The following CENPP variants were observed in gnomAD, a reference collection of about 807,000 sequenced individuals.
CENPP encodes centromere protein P.
A neutral mutation model predicts 35.6 loss-of-function variants in CENPP; 24 were observed. The observed-to-expected ratio is 0.67, with a 90% CI of 0.49 to 0.95. CENPP has a LOEUF of 0.95. Ranked by LOEUF, CENPP falls within the 40% of genes least tolerant of loss-of-function variation. The pLI is 0.00. For synonymous variants in CENPP, 120 were observed against 125.5 expected (o/e 0.96, Z 0.29); for missense variants, 332 against 345.3 (o/e 0.96, Z 0.31).
At chr9:92,500,635 TAAC>T in intron 5 of CENPP, 1 of 1,329,790 alleles carries the variant, frequency 7.5e-7, no homozygotes, top group Middle Eastern at 2.4e-4. Flanking sequence ...TTTTTTCCCT[TAAC>T]GTAAATCCCA....
At chr9:92,508,848 AATAAC>A (rs953428239) in intron 5 of CENPP, among the ~76,000 whole-genome samples, 2 of 152,116 alleles carry the variant, frequency 1.3e-5, no homozygotes, top group African/African-American at 4.8e-5. Context: ...TTGTTTAATA[AATAAC>A]ATAATAAATA....
intron 5 of CENPP, among the ~76,000 whole-genome samples, chr9:92,462,330 C>A (rs1845145623): frequency 6.6e-6 from 1 of 152,132 alleles, no homozygotes. Context: ...ATCTGTAGTA[C>A]CCCCGCACAT....
chr9:92,329,799 T>C (rs1840686272), intron 1 of CENPP, among the ~76,000 whole-genome samples: 1 of 152,210 alleles, frequency 6.6e-6, no homozygotes, highest in Admixed American at 6.5e-5. Flanking sequence ...CTTGAACTCC[T>C]GGGCTGCCTC....
chr9:92,379,548 C>T (rs1247405481), intron 4 of CENPP, among the ~76,000 whole-genome samples: 3 of 152,072 alleles, frequency 2.0e-5, no homozygotes, highest in Admixed American at 6.6e-5. Flanking sequence ...TAGACTTAAA[C>T]GTTTGAAAAT....
chr9:92,495,624 G>A lies in CENPP; in HGVS notation c.565-115690G>A, dbSNP rs41278703. On this transcript the variant is annotated intron_variant, in intron 5 of 7. Coordinates refer to ENST00000375587, the MANE Select transcript of CENPP (RefSeq NM_001012267.3). ...TGTTTAACTTTAAAAAATAATTTTA[G>A]AATTATAGAAAAGTTTCAAAAAGAG... 5.3e-3 allele frequency: 5,062 copies of A among 949,602 alleles called. 14 individuals are homozygous for A. The highest frequency in any genetic ancestry group is 6.0e-3 in the Non-Finnish European group (4,751 of 797,410). 58.8% of individuals were successfully genotyped at this position (949,602 alleles called of 1,614,324 possible).
chr9:92,603,381 C>A (rs555524031), intron 5 of CENPP, among the ~76,000 whole-genome samples: 1 of 152,344 alleles, frequency 6.6e-6, no homozygotes, highest in South Asian at 2.1e-4. Context: ...GAGGGCAGAT[C>A]ATTGTTCTTC....
chr9:92,571,602 G>T (rs961609242), intron 5 of CENPP, among the ~76,000 whole-genome samples: 5 of 152,184 alleles, frequency 3.3e-5, no homozygotes, highest in Non-Finnish European at 7.3e-5. Flanking sequence ...AGGTCTGCTT[G>T]GTGCAGAGCT....
rs77569971 is a variant in CENPP, at chr9:92,410,556, T to C, written c.564+30697T>C. Among the ~76,000 whole-genome samples the C allele has an allele frequency of 2.6e-3, 391 of 152,294 alleles. 1 individual carries two copies. The highest frequency in any genetic ancestry group is 3.8e-3 in the Non-Finnish European group (258 of 68,016). The stretch of plus-strand genomic sequence containing the variant: ...TTTGAAAAGCTGCAGTGTCCAATAG[T>C]GGTTGTGAACTTGTGAGATATATGA... On this transcript the variant is annotated intron_variant, in intron 5 of 7. Transcript: ENST00000375587.
intron 5 of CENPP, among the ~76,000 whole-genome samples, chr9:92,595,247 T>C (rs1233934744): frequency 6.6e-6 from 1 of 152,130 alleles, no homozygotes; most frequent in Non-Finnish European, 1.5e-5. Context: ...TTTATTTGTT[T>C]ATTGATTTTT....
rs928648758 is a variant in CENPP at position 92,480,537 on chromosome 9, A to C, written c.564+100678A>C. Among the ~76,000 whole-genome samples the C allele has an allele frequency of 9.2e-5, 14 of 152,242 alleles. 1 individual carries two copies. The highest frequency in any genetic ancestry group is 3.4e-4 in the African/African-American group (14 of 41,468). On this transcript the variant is annotated intron_variant, in intron 5 of 7. Transcript: ENST00000375587. ...GGTAAGGAGGTTTGGCCAAGTTCTT[A>C]AAAGAGTTCATAACATATGGACTGG... is the stretch of plus-strand genomic sequence containing the variant.
chr9:92,357,874 C>G (rs1357583127), intron 4 of CENPP, among the ~76,000 whole-genome samples: 1 of 151,554 alleles, frequency 6.6e-6, no homozygotes, highest in Non-Finnish European at 1.5e-5. Flanking sequence ...TCTTTTAGCA[C>G]TTTGAATATA....
intron 4 of CENPP, among the ~76,000 whole-genome samples, chr9:92,369,512 T>C (rs1841961948): frequency 6.6e-6 from 1 of 152,106 alleles, no homozygotes; most frequent in African/African-American, 2.4e-5. Flanking sequence ...CAAGGGCAAA[T>C]TGTTGATTAT....
chr9:92,530,415 G>T (rs1255132742), intron 5 of CENPP, among the ~76,000 whole-genome samples: 4 of 152,156 alleles, frequency 2.6e-5, no homozygotes, highest in Non-Finnish European at 5.9e-5. Flanking sequence ...TTGAAAAAAA[G>T]TCTGTTAAAA....
In CENPP at chr9:92,616,955, CGAG is replaced by C. The variant is rs1182095484; in HGVS notation, c.*3810_*3812del. 1 of 152,162 alleles carries C rather than the reference CGAG, an allele frequency of 6.6e-6. No individual in the cohort carries two copies. Among genetic ancestry groups the C allele is most frequent in the Non-Finnish European group, 1.5e-5 (1 of 68,050 alleles). 9.4% of individuals were successfully genotyped at this position (152,162 alleles called of 1,614,324 possible). A position where few individuals can be genotyped will look rare whatever the true frequency, so the allele number is the denominator to read the frequency against. ...AAACCCCAACTTCAAAAGCTCCTGC[CGAG>C]GAGAGGAAATACTGATCAGCACGTC... On this transcript the variant is annotated 3_prime_UTR_variant, in exon 8 of 8. Transcript: ENST00000375587.
intron 5 of CENPP, among the ~76,000 whole-genome samples, chr9:92,570,788 C>T (rs1423330615): frequency 1.3e-5 from 2 of 152,188 alleles, no homozygotes; most frequent in African/African-American, 4.8e-5. Context: ...GATTCAACTT[C>T]TTCCTGGTTT....
At chr9:92,580,476 C>CAG (rs1189561290) in intron 5 of CENPP, among the ~76,000 whole-genome samples, 4 of 152,148 alleles carry the variant, frequency 2.6e-5, no homozygotes, top group Admixed American at 1.3e-4. Flanking sequence ...GCCACAATTT[C>CAG]AGCTCCTGTT....
chr9:92,418,087 C>A (rs925071157), intron 5 of CENPP, among the ~76,000 whole-genome samples: 48 of 147,700 alleles, frequency 3.2e-4, no homozygotes, highest in African/African-American at 1.1e-3. Flanking sequence ...TTTTCTTTTT[C>A]TTTTTCTTTT....
In CENPP at chr9:92,552,190, T is replaced by TACACACACACAC. The variant is rs59704602; in HGVS notation, c.565-59109_565-59098dup. Among the ~76,000 whole-genome samples the TACACACACACAC allele has an allele frequency of 3.8e-4, 40 of 106,430 alleles. 2 individuals are homozygous for TACACACACACAC. Among genetic ancestry groups the TACACACACACAC allele is most frequent in the African/African-American group, 1.5e-3 (37 of 25,344 alleles). 69.8% of individuals were successfully genotyped at this position (106,430 alleles called of 152,430 possible). On this transcript the variant is annotated intron_variant, in intron 5 of 7. Coordinates refer to ENST00000375587, the MANE Select transcript of CENPP (RefSeq NM_001012267.3). ...TATGTGATATGATAGATCTATCATA[T>TACACACACACAC]ACACACACACACACACACACACACA...
At chr9:92,534,167 AGT>A (rs1285695369) in intron 5 of CENPP, among the ~76,000 whole-genome samples, 3 of 152,128 alleles carry the variant, frequency 2.0e-5, no homozygotes, top group Non-Finnish European at 4.4e-5. Context: ...GACTCCTCAG[AGT>A]GTCTGTCCCA....
Sources: allele counts gnomAD v4.1 joint callset (sites outside exome capture counted in the v4.1 genomes callset), GRCh38; gene constraint gnomAD v4.1.1; transcripts MANE v1.5; gene names NCBI Gene and HGNC (gene_info 2026-07-23, HGNC 2026-07-21).